CSMD1: variants seen among roughly 807,000 people sequenced by gnomAD.
The protein encoded by CSMD1 is CUB and sushi domain-containing protein 1.
Under a neutral mutation model 417.5 loss-of-function variants are expected in CSMD1, and 213 were observed. The ratio of observed to expected loss-of-function variants is 0.51; its 90% CI spans 0.46 to 0.57. The LOEUF (loss-of-function observed/expected upper bound fraction) is 0.57. Ranked by LOEUF, CSMD1 falls within the 20% of genes least tolerant of loss-of-function variation. The pLI, the probability that CSMD1 is intolerant of heterozygous loss-of-function variation, is 0.00. For missense variants in CSMD1, 6,923 were observed against 4,529.7 expected (o/e 1.53, Z -15.17); for synonymous variants, 2,862 against 1,736.8 (o/e 1.65, Z -16.11).
intron 5 of CSMD1, among the ~76,000 whole-genome samples, chr8:3,858,303 T>C (rs7818614): frequency 0.016 from 2,431 of 152,292 alleles, 72 homozygotes; most frequent in African/African-American, 0.055. Flanking sequence ...TTCATTAATA[T>C]GAATAAAAAC....
At chr8:3,742,053 C>T (rs892143285) in intron 6 of CSMD1, among the ~76,000 whole-genome samples, 2 of 151,476 alleles carry the variant, frequency 1.3e-5, no homozygotes, top group African/African-American at 2.4e-5. Context: ...GCTTCACACT[C>T]ATTCAGCACA....
chr8:4,564,138 A>T lies in CSMD1; in HGVS notation c.302+73204T>A, dbSNP rs187033483. ...CCAATATTTATATTCTATAAAATGA[A>T]CACGTATAAAAGGTTCAGAAGATAA... On this transcript the variant is annotated intron_variant, in intron 2 of 69. Transcript: ENST00000635120. Among the ~76,000 whole-genome samples the T allele has an allele frequency of 5.1e-4, 77 of 152,320 alleles. 1 individual carries two copies. Among genetic ancestry groups the T allele is most frequent in the African/African-American group, 1.7e-3 (72 of 41,564 alleles).
At chr8:4,290,876 C>G (rs746464303) in intron 3 of CSMD1, among the ~76,000 whole-genome samples, 1 of 152,160 alleles carries the variant, frequency 6.6e-6, no homozygotes, top group Admixed American at 6.5e-5. Flanking sequence ...GACTCATCAT[C>G]CTTTACAATG....
intron 3 of CSMD1, among the ~76,000 whole-genome samples, chr8:4,087,562 C>T (rs1278807361): frequency 6.6e-6 from 1 of 152,144 alleles, no homozygotes; most frequent in Admixed American, 6.6e-5. Context: ...TAATTTCTGT[C>T]CTTATACACT....
Position 3,110,265 on chromosome 8 carries a change from CGGATACTCATCAGGAAA to C in CSMD1, c.6484_6500del (p.Phe2162AspfsTer60). On this transcript the variant is annotated frameshift_variant, in exon 43 of 70. Coordinates refer to ENST00000635120, the MANE Select transcript of CSMD1 (RefSeq NM_033225.6). LOFTEE classifies it high-confidence loss of function. ...TGAGCCAAATGCAGTCCTTCAGGAT[CGGATACTCATCAGGAAA>C]GCCAGGGGAGTAGATGGTGCCGTTC... 6.2e-7 allele frequency: 1 copy of C among 1,613,386 alleles called. No individual in the cohort carries two copies. The highest frequency in any genetic ancestry group is 8.5e-7 in the Non-Finnish European group (1 of 1,179,656).
intron 2 of CSMD1, among the ~76,000 whole-genome samples, chr8:4,433,243 A>G (rs1156420538): frequency 2.0e-5 from 3 of 152,184 alleles, no homozygotes; most frequent in Non-Finnish European, 4.4e-5. Context: ...TTATAAATGT[A>G]CTACATTTGA....
chr8:3,995,926 G>A (rs1302976591), intron 5 of CSMD1, among the ~76,000 whole-genome samples: 1 of 152,164 alleles, frequency 6.6e-6, no homozygotes, highest in African/African-American at 2.4e-5. Context: ...AGAGATTCCA[G>A]TGATGTAGAA....
At chr8:3,751,919 A>G (rs1045973441) in intron 6 of CSMD1, among the ~76,000 whole-genome samples, 1 of 152,218 alleles carries the variant, frequency 6.6e-6, no homozygotes, top group Non-Finnish European at 1.5e-5. Context: ...AACCTAACTG[A>G]CTATAGGATC....
chr8:3,798,820 G>C (rs955631796), intron 5 of CSMD1, among the ~76,000 whole-genome samples: 1 of 151,952 alleles, frequency 6.6e-6, no homozygotes, highest in Non-Finnish European at 1.5e-5. Context: ...CGTGTTGGTT[G>C]AAATTTAGTA....
At chr8:3,880,923 G>A (rs1007345251) in intron 5 of CSMD1, among the ~76,000 whole-genome samples, 2 of 152,062 alleles carry the variant, frequency 1.3e-5, no homozygotes, top group African/African-American at 2.4e-5. Context: ...TATTTACCAA[G>A]TATTACATTG....
chr8:3,256,401 C>G (rs1800659953), intron 26 of CSMD1, among the ~76,000 whole-genome samples: 1 of 152,024 alleles, frequency 6.6e-6, no homozygotes, highest in African/African-American at 2.4e-5. Flanking sequence ...GACACTGTGC[C>G]CCAGCAGTAC....
intron 5 of CSMD1, among the ~76,000 whole-genome samples, chr8:3,902,650 G>A (rs758634181): frequency 6.6e-6 from 1 of 152,038 alleles, no homozygotes; most frequent in Non-Finnish European, 1.5e-5. Flanking sequence ...GGTAATTCTT[G>A]CTCATTGCCA....
chr8:3,094,629 T>G (rs1438932002), intron 47 of CSMD1, among the ~76,000 whole-genome samples: 1 of 152,114 alleles, frequency 6.6e-6, no homozygotes, highest in Non-Finnish European at 1.5e-5. Flanking sequence ...ATTTTGACAG[T>G]CTTCTCAACT....
At chr8:4,135,018 T>C (rs2130993622) in intron 3 of CSMD1, among the ~76,000 whole-genome samples, 1 of 152,252 alleles carries the variant, frequency 6.6e-6, no homozygotes, top group East Asian at 1.9e-4. Flanking sequence ...TTTTTATTGA[T>C]TATTTTGTGA....
chr8:4,699,898 T>G (rs1807406959), intron 1 of CSMD1, among the ~76,000 whole-genome samples: 1 of 152,176 alleles, frequency 6.6e-6, no homozygotes, highest in African/African-American at 2.4e-5. Context: ...TATAATGGAA[T>G]CCTTTGGAAG....
chr8:4,449,796 A>G (rs771067021), intron 2 of CSMD1, among the ~76,000 whole-genome samples: 31 of 152,092 alleles, frequency 2.0e-4, no homozygotes, highest in African/African-American at 3.1e-4. Flanking sequence ...GCATTTTTAC[A>G]TAACAGAGCC....
At chr8:3,704,089 A>C (rs1025949545) in intron 7 of CSMD1, among the ~76,000 whole-genome samples, 1 of 152,152 alleles carries the variant, frequency 6.6e-6, no homozygotes, top group African/African-American at 2.4e-5. Context: ...AAAACAAAAA[A>C]ACTTAGCTCT....
chr8:4,793,835 GAAAA>G (rs35760193), intron 1 of CSMD1, among the ~76,000 whole-genome samples: 13 of 132,422 alleles, frequency 9.8e-5, no homozygotes, highest in Admixed American at 5.1e-4. Context: ...CCCAGAATAG[GAAAA>G]AAAAAAAAAA....
intron 3 of CSMD1, among the ~76,000 whole-genome samples, chr8:4,170,851 C>T (rs951501281): frequency 6.6e-6 from 1 of 151,690 alleles, no homozygotes; most frequent in Non-Finnish European, 1.5e-5. Context: ...AGCATGAATT[C>T]CTGTAACATT....
Sources: gnomAD v4.1 joint callset for allele counts (sites outside exome capture counted in the v4.1 genomes callset) on GRCh38, gnomAD v4.1.1 for gene constraint, MANE v1.5 for transcripts, NCBI Gene and HGNC (gene_info 2026-07-23, HGNC 2026-07-21) for gene names.